Variants in FOCAD observed in about 807,000 individuals in gnomAD.
The protein encoded by FOCAD is KIAA1797.
A neutral mutation model predicts 225.6 loss-of-function variants in FOCAD; 198 were observed. The ratio of observed to expected loss-of-function variants is 0.88; its 90% CI spans 0.78 to 0.99. The LOEUF (loss-of-function observed/expected upper bound fraction) is 0.99. Among genes scored for constraint, FOCAD ranks in the 50% least tolerant of loss-of-function variants. The pLI, the probability that FOCAD is intolerant of heterozygous loss-of-function variation, is 0.00. For missense variants in FOCAD, 2,713 were observed against 2,123.6 expected (o/e 1.28, Z -5.46); for synonymous variants, 897 against 755.0 (o/e 1.19, Z -3.08).
At chr9:20,933,200 AT>A in intron 28 of FOCAD, 97 bp downstream of exon 28, 4 of 854,722 alleles carry the variant, frequency 4.7e-6, no homozygotes, top group Non-Finnish European at 5.6e-6. Flanking sequence ...TTTTATTTTT[AT>A]TTTTTATTTC....
At chr9:20,804,027 T>C (rs2092825283) in intron 11 of FOCAD, among the ~76,000 whole-genome samples, 1 of 152,104 alleles carries the variant, frequency 6.6e-6, no homozygotes, top group African/African-American at 2.4e-5. Flanking sequence ...AGTTTAGGCT[T>C]CAGTGGGCAT....
At chr9:20,992,627 CAGG>C (rs1381610347) in intron 42 of FOCAD, among the ~76,000 whole-genome samples, 1 of 152,130 alleles carries the variant, frequency 6.6e-6, no homozygotes, top group Non-Finnish European at 1.5e-5. Context: ...TCCTGGCACA[CAGG>C]AGGCCCTCTG....
At chr9:20,962,069 T>C (rs369404810) in intron 35 of FOCAD, among the ~76,000 whole-genome samples, 69 of 152,252 alleles carry the variant, frequency 4.5e-4, no homozygotes, top group African/African-American at 1.4e-3. Flanking sequence ...TCTATGGACT[T>C]AGTGTAGAAA....
At chr9:20,887,316 C>G (rs1429169502) in intron 21 of FOCAD, among the ~76,000 whole-genome samples, 1 of 151,924 alleles carries the variant, frequency 6.6e-6, no homozygotes, top group Non-Finnish European at 1.5e-5. Context: ...CTCACTGCAA[C>G]CTCTGCCTCC....
intron 17 of FOCAD, 25 bp from the exon 18 acceptor site, chr9:20,866,904 T>C: frequency 1.2e-6 from 1 of 822,652 alleles, no homozygotes; most frequent in Non-Finnish European, 1.8e-6. Context: ...TTTTTTTTTT[T>C]TTTTTTTTTT....
intron 1 of FOCAD, among the ~76,000 whole-genome samples, chr9:20,691,971 G>C (rs1178359822): frequency 6.6e-6 from 1 of 151,888 alleles, no homozygotes; most frequent in East Asian, 1.9e-4. Flanking sequence ...ACGTTGGCCA[G>C]GCTGATCTCG....
At chr9:20,865,849 A>C in intron 16 of FOCAD, 77 bp from the exon 17 acceptor site, 1 of 998,350 alleles carries the variant, frequency 1.0e-6, no homozygotes, top group Non-Finnish European at 1.5e-6. Context: ...AATTTTCATT[A>C]TTTGCTACTT....
intron 19 of FOCAD, chr9:20,875,824 C>G (rs1007693988): frequency 2.0e-5 from 3 of 152,062 alleles, no homozygotes; most frequent in African/African-American, 7.2e-5. Context: ...ACAAATTCCT[C>G]AAGTGATTTA....
chr9:20,714,846 T>C (rs1394663240), intron 1 of FOCAD, among the ~76,000 whole-genome samples: 1 of 152,194 alleles, frequency 6.6e-6, no homozygotes, highest in Non-Finnish European at 1.5e-5. Flanking sequence ...TCTAGGTCTT[T>C]TCTATACTTC....
At chr9:20,923,603 T>G in intron 24 of FOCAD, 57 bp from the exon 25 acceptor site, 1 of 1,370,796 alleles carries the variant, frequency 7.3e-7, no homozygotes, top group Non-Finnish European at 1.0e-6. Context: ...ATTAGCTCTT[T>G]CTCTTCTTCT....
At chr9:20,889,286 C>T (rs1435254673) in intron 21 of FOCAD, among the ~76,000 whole-genome samples, 1 of 152,076 alleles carries the variant, frequency 6.6e-6, no homozygotes, top group Non-Finnish European at 1.5e-5. Flanking sequence ...AGGGATTTTC[C>T]ATGTTGTAGC....
intron 26 of FOCAD, chr9:20,928,884 T>C (rs901383318): frequency 2.0e-5 from 3 of 152,806 alleles, no homozygotes; most frequent in Non-Finnish European, 4.4e-5. Flanking sequence ...TTCTCCATAC[T>C]AAACTTAAAC....
chr9:20,712,820 C>T (rs1824973396), intron 1 of FOCAD, among the ~76,000 whole-genome samples: 1 of 150,392 alleles, frequency 6.6e-6, no homozygotes, highest in South Asian at 2.1e-4. Flanking sequence ...GCAACCTCCA[C>T]CTCCCGGGTT....
At chr9:20,982,110 A>G (rs1203108346) in intron 38 of FOCAD, among the ~76,000 whole-genome samples, 1 of 152,168 alleles carries the variant, frequency 6.6e-6, no homozygotes, top group African/African-American at 2.4e-5. Context: ...TTAGAAATTT[A>G]TTTGGGATGA....
chr9:20,992,170 C>T (rs952457809), intron 42 of FOCAD, among the ~76,000 whole-genome samples: 1 of 152,134 alleles, frequency 6.6e-6, no homozygotes, highest in African/African-American at 2.4e-5. Flanking sequence ...GATTAAATTA[C>T]CCTGTATCTA....
intron 15 of FOCAD, among the ~76,000 whole-genome samples, chr9:20,846,517 C>A (rs1449825942): frequency 2.0e-5 from 3 of 152,044 alleles, no homozygotes; most frequent in Non-Finnish European, 2.9e-5. Context: ...CTTTTAAAAT[C>A]TCTTTAATTC....
chr9:20,914,469 C>T (rs577066658), intron 23 of FOCAD, among the ~76,000 whole-genome samples: 1 of 152,084 alleles, frequency 6.6e-6, no homozygotes, highest in Non-Finnish European at 1.5e-5. Context: ...GGTGGCATTA[C>T]CATTTTCTGT....
At chr9:20,982,499 T>C (rs1309383079) in intron 39 of FOCAD, 53 bp downstream of exon 39, 1 of 1,446,414 alleles carries the variant, frequency 6.9e-7, no homozygotes. Context: ...GAAATTACGA[T>C]TGAATAATTG....
In FOCAD at chr9:20,764,985, A is replaced by C. The variant is rs1297890739; in HGVS notation, c.611A>C (p.Gln204Pro). Reference protein sequence around the residue: ...LRLALLKVLLQPQVLCDKDQP... With the variant: ...LRLALLKVLLPPQVLCDKDQP... ...CTAGCCCTGCTGAAAGTCTTACTTC[A>C]ACCCCAGGTTCTTTGTGACAAAGAT... is the stretch of plus-strand genomic sequence containing the variant. The change falls in exon 7 of 44, where the codon CAA becomes CCA. Residue 204 changes from glutamine to proline, a missense_variant. By Grantham distance (76) the Gln-to-Pro change is moderately conservative. Coordinates refer to ENST00000338382, the MANE Select transcript of FOCAD (RefSeq NM_001375567.1). 1 of 1,614,138 alleles carries C rather than the reference A, an allele frequency of 6.2e-7. No homozygotes were observed.
Sources: allele counts gnomAD v4.1 joint callset (sites outside exome capture counted in the v4.1 genomes callset), GRCh38; gene constraint gnomAD v4.1.1; transcripts MANE v1.5; gene names NCBI Gene and HGNC (gene_info 2026-07-23, HGNC 2026-07-21).